THOC1: variants seen among roughly 807,000 people sequenced by gnomAD.
The protein encoded by THOC1 is THO complex subunit 1.
A neutral mutation model predicts 97.3 loss-of-function variants in THOC1; 29 were observed. The observed-to-expected ratio is 0.30, with a 90% CI of 0.22 to 0.41. The LOEUF is 0.41. THOC1 is among the 10% of genes least tolerant of loss of function. The pLI is 1.00. For synonymous variants in THOC1, 255 were observed against 257.0 expected (o/e 0.99, Z 0.07); for missense variants, 529 against 761.9 (o/e 0.69, Z 3.60).
intron 11 of THOC1, among the ~76,000 whole-genome samples, chr18:239,867 T>C (rs1488252448): frequency 6.6e-6 from 1 of 152,180 alleles, no homozygotes. Flanking sequence ...TTTTTTTTCC[T>C]CTGGGTATGA....
intron 3 of THOC1, 160 bp downstream of exon 3, chr18:265,143 C>T (rs1023996842): frequency 6.5e-6 from 4 of 613,564 alleles, no homozygotes; most frequent in African/African-American, 5.7e-5. Flanking sequence ...TATCAAAATC[C>T]TTAGAGAAAT....
chr18:215,531 A>T (rs770492354), intron 19 of THOC1, 27 bp from the exon 20 acceptor site: 1 of 1,569,368 alleles, frequency 6.4e-7, no homozygotes, highest in Admixed American at 1.7e-5. Context: ...AGAATGTTTG[A>T]AAGAATGCCA....
chr18:247,780 G>C, intron 10 of THOC1, 69 bp downstream of exon 10: 2 of 887,688 alleles, frequency 2.3e-6, no homozygotes, highest in South Asian at 3.0e-5. Context: ...TGTTAGACAA[G>C]ATTAAGTTTT....
At chr18:243,292 T>C (rs900322022) in intron 11 of THOC1, among the ~76,000 whole-genome samples, 1 of 152,192 alleles carries the variant, frequency 6.6e-6, no homozygotes, top group African/African-American at 2.4e-5. Flanking sequence ...AGAGATACTA[T>C]TAGAAAGCCA....
chr18:256,506 A>G (rs1392093132), intron 7 of THOC1, among the ~76,000 whole-genome samples: 1 of 152,184 alleles, frequency 6.6e-6, no homozygotes, highest in Non-Finnish European at 1.5e-5. Context: ...ACAGATGAGG[A>G]GTTGCTTCTT....
intron 11 of THOC1, among the ~76,000 whole-genome samples, chr18:236,554 A>G (rs918251628): frequency 1.5e-4 from 23 of 151,190 alleles, no homozygotes; most frequent in Middle Eastern, 3.4e-3. Flanking sequence ...TAGTAGAGAC[A>G]GGGTTTCACC....
intron 15 of THOC1, 114 bp downstream of exon 15, chr18:224,810 A>T: frequency 1.2e-6 from 1 of 831,450 alleles, no homozygotes. Context: ...TTTTTATGTG[A>T]AATATATACA....
At chr18:223,528 A>T (rs747921385) in intron 16 of THOC1, 23 bp from the exon 17 acceptor site, 46 of 1,541,152 alleles carry the variant, frequency 3.0e-5, no homozygotes, top group Non-Finnish European at 4.0e-5. Flanking sequence ...CACAGAAATA[A>T]ATACATTTTT....
At position 260,263 on chromosome 18, in the gene THOC1, C is replaced by T; in HGVS notation, c.298G>A (p.Val100Ile). The change falls in exon 5 of 21, where the codon GTT becomes ATT. Residue 100 changes from valine to isoleucine, a missense_variant. Physicochemically the swap from Val to Ile is conservative, Grantham distance 29. Transcript: ENST00000261600. The stretch of plus-strand genomic sequence containing the variant: ...TGATCCAAAGGAAGACAATCCAAAA[C>T]ATCTCCCAACAATACAAAAGGTGTA... Reference protein sequence around the residue: ...ASTPFVLLGDVLDCLPLDQCD... With the variant: ...ASTPFVLLGDILDCLPLDQCD... 1.9e-6 allele frequency: 3 copies of T among 1,595,546 alleles called. No individual in the cohort carries two copies. Among genetic ancestry groups the T allele is most frequent in the Non-Finnish European group, 2.6e-6 (3 of 1,171,738 alleles).
intron 9 of THOC1, among the ~76,000 whole-genome samples, chr18:249,189 A>C (rs1912195164): frequency 6.6e-6 from 1 of 152,228 alleles, no homozygotes; most frequent in Non-Finnish European, 1.5e-5. Context: ...ATCATGAATT[A>C]GTAGTATCTG....
chr18:223,587 A>G, intron 16 of THOC1, 82 bp from the exon 17 acceptor site: 3 of 1,117,980 alleles, frequency 2.7e-6, no homozygotes, highest in South Asian at 3.0e-5. Context: ...AAAACAATAC[A>G]ATGTAAACAG....
intron 3 of THOC1, among the ~76,000 whole-genome samples, chr18:264,322 A>G (rs944395810): frequency 6.6e-6 from 1 of 152,200 alleles, no homozygotes; most frequent in Non-Finnish European, 1.5e-5. Context: ...TCAAAATCCA[A>G]TGGTCTCAAG....
chr18:267,397 C>A (rs1032613130), intron 1 of THOC1, among the ~76,000 whole-genome samples: 5 of 152,190 alleles, frequency 3.3e-5, no homozygotes, highest in African/African-American at 1.2e-4. Context: ...ATGCTCAAAA[C>A]CACCCTTCCA....
At chr18:229,508 C>T (rs943226253) in intron 11 of THOC1, among the ~76,000 whole-genome samples, 4 of 131,122 alleles carry the variant, frequency 3.1e-5, no homozygotes, top group Non-Finnish European at 6.5e-5. Flanking sequence ...GGTGAAACCC[C>T]GTCTCTATTT....
At chr18:219,957 A>G (rs1326019772) in intron 17 of THOC1, among the ~76,000 whole-genome samples, 1 of 152,216 alleles carries the variant, frequency 6.6e-6, no homozygotes, top group Non-Finnish European at 1.5e-5. Context: ...TTTTAGAAAT[A>G]AAATTTTGAT....
chr18:251,102 A>G (rs947415945), intron 9 of THOC1, among the ~76,000 whole-genome samples: 2 of 152,244 alleles, frequency 1.3e-5, no homozygotes, highest in African/African-American at 4.8e-5. Context: ...TAGTGCCTTA[A>G]TAGACTATTT....
intron 11 of THOC1, among the ~76,000 whole-genome samples, chr18:230,917 A>T (rs1166702879): frequency 2.6e-5 from 4 of 152,036 alleles, no homozygotes; most frequent in Admixed American, 6.6e-5. Flanking sequence ...TTTCTTTTAA[A>T]TTTTTTGTAG....
At chr18:215,637 A>AT in intron 19 of THOC1, 133 bp from the exon 20 acceptor site, 1 of 660,274 alleles carries the variant, frequency 1.5e-6, no homozygotes, top group South Asian at 1.8e-5. Flanking sequence ...AGAGCGTTAA[A>AT]TGACAGTGTC....
rs1911945490 is a variant in THOC1 at position 242,572 on chromosome 18, C to T, written c.918+3752G>A. ...ATAATATTCCCATTGGATGGGGTCA[C>T]GGCTCTATTACAGAGATGAAAGATC... On this transcript the variant is annotated intron_variant, in intron 11 of 20. Coordinates refer to ENST00000261600, the MANE Select transcript of THOC1 (RefSeq NM_005131.3). The surrounding 1 kb of genome is among the most constrained non-coding windows in gnomAD (Gnocchi z 4.5). Among the ~76,000 whole-genome samples the T allele has an allele frequency of 1.3e-5, 2 of 152,150 alleles. No homozygotes were observed. The highest frequency in any genetic ancestry group is 2.9e-5 in the Non-Finnish European group (2 of 68,046).
Sources: allele counts gnomAD v4.1 joint callset (sites outside exome capture counted in the v4.1 genomes callset), GRCh38; gene constraint gnomAD v4.1.1; non-coding constraint Gnocchi (gnomAD v3.1); transcripts MANE v1.5; gene names NCBI Gene and HGNC (gene_info 2026-07-23, HGNC 2026-07-21).